C1orf226: variants seen among roughly 807,000 people sequenced by gnomAD.
C1orf226 encodes uncharacterized protein C1orf226.
C1orf226 carries 4 observed loss-of-function variants against 10.5 expected under a neutral mutation model. The ratio of observed to expected loss-of-function variants is 0.38; its 90% CI spans 0.19 to 0.87. The LOEUF (loss-of-function observed/expected upper bound fraction) is 0.87. C1orf226 is among the 40% of genes least tolerant of loss of function. The pLI is 0.41. For missense variants in C1orf226, 313 were observed against 336.2 expected (o/e 0.93, Z 0.54); for synonymous variants, 125 against 139.3 (o/e 0.90, Z 0.72).
chr1:162,385,745 A>T lies in C1orf226; in HGVS notation c.*2062A>T, dbSNP rs1032641453. 4 of 152,178 alleles carry T rather than the reference A, an allele frequency of 2.6e-5. No individual in the cohort carries two copies. Among genetic ancestry groups the T allele is most frequent in the Non-Finnish European group, 4.4e-5 (3 of 68,046 alleles). The allele number at this position is 152,178 out of a possible 1,614,324, so 9.4% of individuals were successfully genotyped here. A position where few individuals can be genotyped will look rare whatever the true frequency, so the allele number is the denominator to read the frequency against. On this transcript the variant is annotated 3_prime_UTR_variant, in exon 2 of 2. Coordinates refer to ENST00000458626, the MANE Select transcript of C1orf226 (RefSeq NM_001085375.2). ...ACACATCCTGGGAGCAAGCCACTTCATCTGAGCTTCCCATACCAGGAGCAT... is the reference window on the plus strand; with the variant it reads ...ACACATCCTGGGAGCAAGCCACTTCTTCTGAGCTTCCCATACCAGGAGCAT...
At position 162,382,117 on chromosome 1, in the gene C1orf226, C is replaced by T. The variant is rs1187176552; in HGVS notation, c.216C>T (p.Ser72=). The T allele has an allele frequency of 1.9e-6, 3 of 1,589,120 alleles. No individual in the cohort carries two copies. Among genetic ancestry groups the T allele is most frequent in the Non-Finnish European group, 2.6e-6 (3 of 1,167,952 alleles). The part of the protein sequence containing the change: ...VNDFLRRKEP[S]SLGSVGVTEI... ...ACTTCCTGAGGAGAAAGGAGCCCTC[C>T]AGCCTGGGCAGTGTGGGTGTGACAG... is the stretch of plus-strand genomic sequence containing the variant. Residue 72 remains serine (S), a synonymous_variant, in exon 1 of 2, where the codon TCC becomes TCT. Coordinates refer to ENST00000458626, the MANE Select transcript of C1orf226 (RefSeq NM_001085375.2).
upstream of C1orf226, chr1:162,379,132 C>T: frequency 1.4e-6 from 1 of 698,406 alleles, no homozygotes; most frequent in Admixed American, 2.1e-5. Flanking sequence ...GGCCACCTGG[C>T]TGGGGTCCAG....
Position 162,383,844 on chromosome 1 carries a change from G to C in C1orf226, c.*161G>C, listed in dbSNP as rs1648017122. 5 of 701,768 alleles carry C rather than the reference G, an allele frequency of 7.1e-6. No homozygotes were observed. In the Admixed American group the frequency reaches 1.5e-4, roughly 21 times the overall value. 43.5% of individuals were successfully genotyped at this position (701,768 alleles called of 1,614,324 possible). A position where few individuals can be genotyped will look rare whatever the true frequency, so the allele number is the denominator to read the frequency against. On this transcript the variant is annotated 3_prime_UTR_variant, in exon 2 of 2. Coordinates refer to ENST00000458626, the MANE Select transcript of C1orf226 (RefSeq NM_001085375.2). The stretch of plus-strand genomic sequence containing the variant: ...TCCATCATGGGATTTTGCAGGACTG[G>C]AAGTCCTTGAGTAGTTCTAGTTAAA...
In C1orf226 at chr1:162,384,334, G is replaced by A. The variant is rs1203358923; in HGVS notation, c.*651G>A. The A allele has an allele frequency of 6.6e-6, 1 of 152,368 alleles. No individual in the cohort carries two copies. Among genetic ancestry groups the A allele is most frequent in the Non-Finnish European group, 1.5e-5 (1 of 68,188 alleles). 9.4% of individuals were successfully genotyped at this position (152,368 alleles called of 1,614,324 possible). Reference sequence around the variant, plus strand: ...CAGAGGAGATGCTTACCAGGCCTGAGACCTTGAGAGTTCACCCAGGGTTTG... The same window carrying A: ...CAGAGGAGATGCTTACCAGGCCTGAAACCTTGAGAGTTCACCCAGGGTTTG... On this transcript the variant is annotated 3_prime_UTR_variant, in exon 2 of 2. Coordinates refer to ENST00000458626, the MANE Select transcript of C1orf226 (RefSeq NM_001085375.2).
At chr1:162,381,226 T>G (rs1647894685), upstream of C1orf226, among the ~76,000 whole-genome samples, 1 of 152,150 alleles carries the variant, frequency 6.6e-6, no homozygotes, top group South Asian at 2.1e-4. Context: ...CCTCCCTAGG[T>G]GGTTGTAAGG....
chr1:162,381,556 T>A (rs534510444), upstream of C1orf226, among the ~76,000 whole-genome samples: 1 of 152,298 alleles, frequency 6.6e-6, no homozygotes, highest in South Asian at 2.1e-4. Context: ...TTCATCCTCA[T>A]TTTTTCTTTA....
chr1:162,383,669 C>A lies in C1orf226; in HGVS notation c.805C>A (p.Leu269Met). Residue 269 changes from leucine to methionine, a missense_variant, in exon 2 of 2, where the codon CTG (leucine) becomes ATG (methionine). Physicochemically the swap from Leu to Met is conservative, Grantham distance 15 (BLOSUM62 2). Coordinates refer to ENST00000458626, the MANE Select transcript of C1orf226 (RefSeq NM_001085375.2). ...LDNEGPHPDL[L>M]SFE ...CAATGAGGGCCCTCACCCAGACCTG[C>A]TGTCCTTTGAATAGAGCCTCTGCTC... The A allele has an allele frequency of 6.2e-7, 1 of 1,604,008 alleles. No individual in the cohort carries two copies. Among genetic ancestry groups the A allele is most frequent in the East Asian group, 2.2e-5 (1 of 44,768 alleles).
chr1:162,384,290 C>G lies in C1orf226; in HGVS notation c.*607C>G, dbSNP rs1409662594. 3 of 152,686 alleles carry G rather than the reference C, an allele frequency of 2.0e-5. No homozygotes were observed. The highest frequency in any genetic ancestry group is 7.2e-5 in the African/African-American group (3 of 41,468). 9.5% of individuals were successfully genotyped at this position (152,686 alleles called of 1,614,324 possible). ...CAGGCCCCTGGTTGCCATGTTTGCTCTGCCCCTGGGGTGGAGGCCAGAGGA... is the reference window on the plus strand; with the variant it reads ...CAGGCCCCTGGTTGCCATGTTTGCTGTGCCCCTGGGGTGGAGGCCAGAGGA... On this transcript the variant is annotated 3_prime_UTR_variant, in exon 2 of 2. Transcript: ENST00000458626.
upstream of C1orf226, among the ~76,000 whole-genome samples, chr1:162,380,562 G>A (rs1647873164): frequency 6.6e-6 from 1 of 152,220 alleles, no homozygotes; most frequent in Non-Finnish European, 1.5e-5. Context: ...TGTTCACAAG[G>A]AAAGGAGCCT....
upstream of C1orf226, among the ~76,000 whole-genome samples, chr1:162,379,624 A>G (rs1213393848): frequency 6.6e-6 from 1 of 152,222 alleles, no homozygotes; most frequent in African/African-American, 2.4e-5. Context: ...GACTTAGACA[A>G]GGGTAAAGGG....
In C1orf226 at chr1:162,383,830, A is replaced by AT. The variant is rs1190254072; in HGVS notation, c.*151dup. ...CAGAGAGCCAGTCGTCCATCATGGG[A>AT]TTTTGCAGGACTGGAAGTCCTTGAG... On this transcript the variant is annotated 3_prime_UTR_variant, in exon 2 of 2. Coordinates refer to ENST00000458626, the MANE Select transcript of C1orf226 (RefSeq NM_001085375.2). 6.3e-6 allele frequency: 5 copies of AT among 794,834 alleles called. No homozygotes were observed. The East Asian group carries it at 1.4e-4, about 22-fold the overall frequency. The allele number at this position is 794,834 out of a possible 1,614,324, so 49.2% of individuals were successfully genotyped here. A position where few individuals can be genotyped will look rare whatever the true frequency, so the allele number is the denominator to read the frequency against.
At chr1:162,379,128 C>A, upstream of C1orf226, 1 of 712,358 alleles carries the variant, frequency 1.4e-6, no homozygotes, top group Admixed American at 2.1e-5. Context: ...GGAGGGCCAC[C>A]TGGCTGGGGT....
chr1:162,381,887 A>G lies in C1orf226; in HGVS notation c.-15A>G, dbSNP rs756609613. The G allele has an allele frequency of 3.0e-5, 48 of 1,611,580 alleles. No homozygotes were observed. Among genetic ancestry groups the G allele is most frequent in the African/African-American group, 1.1e-4 (8 of 74,792 alleles). Reference sequence around the variant, plus strand: ...ATGCCTCTCTGTCGCCTCTTTGTTCATAGTTGACCACGGCATGTTTGAGAA... The same window carrying G: ...ATGCCTCTCTGTCGCCTCTTTGTTCGTAGTTGACCACGGCATGTTTGAGAA... On this transcript the variant is annotated 5_prime_UTR_variant, in exon 1 of 2. Coordinates refer to ENST00000458626, the MANE Select transcript of C1orf226 (RefSeq NM_001085375.2).
Position 162,384,493 on chromosome 1 carries a change from A to G in C1orf226, c.*810A>G, listed in dbSNP as rs1648044897. ...GTGAAGACAGGGAGAGCCAGGCCCC[A>G]GCAGATGCGGCCTAGCACACTCTGA... On this transcript the variant is annotated 3_prime_UTR_variant, in exon 2 of 2. Transcript: ENST00000458626. 2 of 152,690 alleles carry G rather than the reference A, an allele frequency of 1.3e-5. No homozygotes were observed. Among genetic ancestry groups the G allele is most frequent in the African/African-American group, 4.8e-5 (2 of 41,444 alleles). The allele number at this position is 152,690 out of a possible 1,614,324, so 9.5% of individuals were successfully genotyped here.
upstream of C1orf226, among the ~76,000 whole-genome samples, chr1:162,380,147 C>A (rs1000526612): frequency 1.1e-4 from 16 of 152,202 alleles, no homozygotes; most frequent in Admixed American, 2.0e-4. Flanking sequence ...GATGACCCTG[C>A]TTGCTGTGGA....
chr1:162,381,868 C>G lies in C1orf226; in HGVS notation c.-34C>G, dbSNP rs750054712. ...CCGCTCCCCTTTCCTCATCATGCCT[C>G]TCTGTCGCCTCTTTGTTCATAGTTG... On this transcript the variant is annotated 5_prime_UTR_variant, in exon 1 of 2. Coordinates refer to ENST00000458626, the MANE Select transcript of C1orf226 (RefSeq NM_001085375.2). The G allele has an allele frequency of 6.2e-7, 1 of 1,608,750 alleles. No homozygotes were observed. Among genetic ancestry groups the G allele is most frequent in the Admixed American group, 1.7e-5 (1 of 58,710 alleles).
At chr1:162,379,514 C>T (rs184620116), upstream of C1orf226, among the ~76,000 whole-genome samples, 1 of 152,324 alleles carries the variant, frequency 6.6e-6, no homozygotes, top group African/African-American at 2.4e-5. Context: ...TACTATCGTG[C>T]AAGACCCTAA....
At position 162,383,761 on chromosome 1, in the gene C1orf226, C is replaced by A; in HGVS notation, c.*78C>A. On this transcript the variant is annotated 3_prime_UTR_variant, in exon 2 of 2. Coordinates refer to ENST00000458626, the MANE Select transcript of C1orf226 (RefSeq NM_001085375.2). Reference sequence around the variant, plus strand: ...CTCCACTGCGCACACTGGCCCTGGCCTCAACTCCGCTGTGCCCTTTGTCTT... The same window carrying A: ...CTCCACTGCGCACACTGGCCCTGGCATCAACTCCGCTGTGCCCTTTGTCTT... The A allele has an allele frequency of 7.2e-7, 1 of 1,390,066 alleles. No homozygotes were observed. Among genetic ancestry groups the A allele is most frequent in the Non-Finnish European group, 9.6e-7 (1 of 1,044,144 alleles). The allele number at this position is 1,390,066 out of a possible 1,614,324, so 86.1% of individuals were successfully genotyped here.
At chr1:162,379,145 A>G (rs1403970863), upstream of C1orf226, 2 of 646,444 alleles carry the variant, frequency 3.1e-6, no homozygotes, top group Non-Finnish European at 5.6e-6. Flanking sequence ...GGGTCCAGTC[A>G]TCTCTCTGTC....
Sources: allele counts gnomAD v4.1 joint callset (sites outside exome capture counted in the v4.1 genomes callset), GRCh38; gene constraint gnomAD v4.1.1; transcripts MANE v1.5; gene names NCBI Gene and HGNC (gene_info 2026-07-23, HGNC 2026-07-21).